The following DCLK3 variants were observed in gnomAD, a reference collection of about 807,000 sequenced individuals.
DCLK3 encodes doublecortin like kinase 3.
Under a neutral mutation model 46.4 loss-of-function variants are expected in DCLK3, and 30 were observed. The ratio of observed to expected loss-of-function variants is 0.65; its 90% CI spans 0.48 to 0.88. DCLK3 has a LOEUF of 0.88. Among genes scored for constraint, DCLK3 ranks in the 40% least tolerant of loss-of-function variants. DCLK3 has a pLI of 0.00. For missense variants in DCLK3, 846 were observed against 907.1 expected (o/e 0.93, Z 0.87); for synonymous variants, 401 against 339.2 (o/e 1.18, Z -2.00).
At chr3:36,749,636 G>A (rs1025367079) in intron 1 of DCLK3, among the ~76,000 whole-genome samples, 9 of 152,142 alleles carry the variant, frequency 5.9e-5, no homozygotes, top group African/African-American at 1.9e-4. Context: ...CTCACACCTC[G>A]TTTACCAGAT....
Position 36,742,910 on chromosome 3 carries a change from T to A in DCLK3, c.83-3826A>T, listed in dbSNP as rs17035518. ...AACTGCACACAGAGTACTTTCAGTC[T>A]CCCACTAAGCACCACTGTCCAGAAC... On this transcript the variant is annotated intron_variant, in intron 1 of 4. Coordinates refer to ENST00000636136, the MANE Select transcript of DCLK3 (RefSeq NM_001394672.2). Among the ~76,000 whole-genome samples the A allele has an allele frequency of 9.9e-3, 1,501 of 152,216 alleles. 27 individuals carry two copies. Among genetic ancestry groups the A allele is most frequent in the African/African-American group, 0.035 (1,437 of 41,514 alleles).
chr3:36,758,736 T>A (rs1701510740), intron 1 of DCLK3, among the ~76,000 whole-genome samples: 1 of 152,198 alleles, frequency 6.6e-6, no homozygotes, highest in African/African-American at 2.4e-5. Context: ...ACAGTTGGCA[T>A]CAAGAAACAT....
At chr3:36,743,249 G>A (rs1193067442) in intron 1 of DCLK3, among the ~76,000 whole-genome samples, 29 of 108,702 alleles carry the variant, frequency 2.7e-4, no homozygotes, top group African/African-American at 8.2e-4. Flanking sequence ...CAACTGGTAA[G>A]TATAATGCAA....
intron 3 of DCLK3, 40 bp from the exon 4 acceptor site, chr3:36,718,217 C>T (rs756054216): frequency 6.2e-7 from 1 of 1,611,776 alleles, no homozygotes; most frequent in African/African-American, 1.3e-5. Flanking sequence ...AACCTGAGAC[C>T]AGGCAGGGTC....
rs1700921547 is a variant in DCLK3 at position 36,712,432 on chromosome 3, CA to C, written c.*2895del. The C allele has an allele frequency of 6.6e-6, 1 of 152,162 alleles. No individual in the cohort carries two copies. The highest frequency in any genetic ancestry group is 1.5e-5 in the Non-Finnish European group (1 of 68,028). 9.4% of individuals were successfully genotyped at this position (152,162 alleles called of 1,614,324 possible). A position where few individuals can be genotyped will look rare whatever the true frequency, so the allele number is the denominator to read the frequency against. ...TGAGGACCTGCAACTATATTTTTAA[CA>C]ACTTTATTGAGGTATAATTGACACA... On this transcript the variant is annotated 3_prime_UTR_variant, in exon 5 of 5. Coordinates refer to ENST00000636136, the MANE Select transcript of DCLK3 (RefSeq NM_001394672.2).
chr3:36,743,470 A>G (rs1345434858), intron 1 of DCLK3, among the ~76,000 whole-genome samples: 1 of 152,238 alleles, frequency 6.6e-6, no homozygotes, highest in Non-Finnish European at 1.5e-5. Flanking sequence ...AGTAAAAATT[A>G]AACATGCTAA....
chr3:36,740,241 T>C (rs1489104561), intron 1 of DCLK3, among the ~76,000 whole-genome samples: 2 of 151,748 alleles, frequency 1.3e-5, no homozygotes, highest in South Asian at 4.2e-4. Flanking sequence ...TGACACATAG[T>C]AAGGACATAA....
chr3:36,742,188 G>C (rs560605762), intron 1 of DCLK3, among the ~76,000 whole-genome samples: 1 of 152,284 alleles, frequency 6.6e-6, no homozygotes, highest in African/African-American at 2.4e-5. Context: ...ATTACAATAG[G>C]ACCAGTGGCC....
At chr3:36,752,901 G>C (rs1320166875) in intron 1 of DCLK3, among the ~76,000 whole-genome samples, 4 of 152,190 alleles carry the variant, frequency 2.6e-5, no homozygotes, top group Non-Finnish European at 2.9e-5. Flanking sequence ...GCCTACCACA[G>C]TGGCATGTAG....
intron 2 of DCLK3, among the ~76,000 whole-genome samples, chr3:36,730,279 T>C (rs1559388866): frequency 6.7e-6 from 1 of 148,924 alleles, no homozygotes; most frequent in Admixed American, 6.7e-5. Context: ...AAAAAATCAG[T>C]GAGGACAAAG....
intron 1 of DCLK3, among the ~76,000 whole-genome samples, chr3:36,763,673 C>T (rs1701558613): frequency 6.6e-6 from 1 of 152,218 alleles, no homozygotes; most frequent in African/African-American, 2.4e-5. Flanking sequence ...TGACCCTGGG[C>T]AAGGCACGAG....
chr3:36,756,988 A>G (rs1225213175), intron 1 of DCLK3, among the ~76,000 whole-genome samples: 2 of 151,934 alleles, frequency 1.3e-5, no homozygotes, highest in East Asian at 1.9e-4. Flanking sequence ...AGGAGAGAGC[A>G]TAAGTTTCTC....
chr3:36,722,156 GA>G (rs1469731380), intron 2 of DCLK3, among the ~76,000 whole-genome samples: 1 of 152,038 alleles, frequency 6.6e-6, no homozygotes, highest in Non-Finnish European at 1.5e-5. Context: ...AGGCTGGGCA[GA>G]GGGAAAAAAG....
Position 36,712,632 on chromosome 3 carries a change from C to T in DCLK3, c.*2696G>A, listed in dbSNP as rs896084032. ...CCCCATTTCCATCTCCAGCAAACCCCCTGATCACTTTCTGTCACTATAGAT... is the reference window on the plus strand; with the variant it reads ...CCCCATTTCCATCTCCAGCAAACCCTCTGATCACTTTCTGTCACTATAGAT... On this transcript the variant is annotated 3_prime_UTR_variant, in exon 5 of 5. Transcript: ENST00000636136. The T allele has an allele frequency of 1.3e-5, 2 of 152,180 alleles. No individual in the cohort carries two copies. Among genetic ancestry groups the T allele is most frequent in the African/African-American group, 2.4e-5 (1 of 41,434 alleles). 9.4% of individuals were successfully genotyped at this position (152,180 alleles called of 1,614,324 possible).
chr3:36,745,978 G>A (rs945883896), intron 1 of DCLK3, among the ~76,000 whole-genome samples: 2 of 152,184 alleles, frequency 1.3e-5, no homozygotes, highest in African/African-American at 4.8e-5. Flanking sequence ...AAATTAATAA[G>A]AGCAAGGTAA....
chr3:36,751,075 A>AAAAAAAAAAAC (rs1701437267), intron 1 of DCLK3, among the ~76,000 whole-genome samples: 1 of 150,866 alleles, frequency 6.6e-6, no homozygotes, highest in Non-Finnish European at 1.5e-5. Context: ...AAAAAAAAAA[A>AAAAAAAAAAAC]AAAAAAAAAA....
intron 1 of DCLK3, among the ~76,000 whole-genome samples, chr3:36,747,178 T>C (rs1055215585): frequency 6.6e-6 from 1 of 152,178 alleles, no homozygotes; most frequent in African/African-American, 2.4e-5. Flanking sequence ...ATTTGCCCAC[T>C]GTTAGAGAGG....
At chr3:36,731,513 A>G (rs1367230829) in intron 2 of DCLK3, among the ~76,000 whole-genome samples, 1 of 151,898 alleles carries the variant, frequency 6.6e-6, no homozygotes, top group Non-Finnish European at 1.5e-5. Context: ...CACACTGTCT[A>G]CAGTATTCCA....
At chr3:36,718,841 C>T (rs760459629) in intron 3 of DCLK3, among the ~76,000 whole-genome samples, 24 of 152,204 alleles carry the variant, frequency 1.6e-4, no homozygotes, top group Non-Finnish European at 2.9e-4. Flanking sequence ...CACACACACA[C>T]GCGCACACAC....
Sources: allele counts gnomAD v4.1 joint callset (sites outside exome capture counted in the v4.1 genomes callset), GRCh38; gene constraint gnomAD v4.1.1; transcripts MANE v1.5; gene names NCBI Gene and HGNC (gene_info 2026-07-23, HGNC 2026-07-21).